Variants in WIPI2 observed in about 807,000 individuals in gnomAD.
WIPI2 encodes the protein WD repeat domain phosphoinositide-interacting protein 2.
WIPI2 carries 28 observed loss-of-function variants against 52.3 expected under a neutral mutation model. The observed-to-expected ratio is 0.54, with a 90% confidence interval of 0.40 to 0.73. WIPI2 has a LOEUF of 0.73. WIPI2 is among the 30% of genes least tolerant of loss of function. The pLI, the probability that WIPI2 is intolerant of heterozygous loss-of-function variation, is 0.00. For missense variants in WIPI2, 506 were observed against 602.9 expected (o/e 0.84, Z 1.68); for synonymous variants, 268 against 245.0 (o/e 1.09, Z -0.88).
In WIPI2 at chr7:5,199,686, C is replaced by G. The variant is rs766847388; in HGVS notation, c.211+28C>G. On this transcript the variant is annotated intron_variant, in intron 3 of 12. Coordinates refer to ENST00000288828, the MANE Select transcript of WIPI2 (RefSeq NM_015610.4). ...AAGTGTTTGCTTTATTTTTCCCCTT[C>G]TTAAAAAAAAAAAAAAAAGTTGTAC... 2.8e-6 allele frequency: 4 copies of G among 1,450,026 alleles called. No individual in the cohort carries two copies. In the Middle Eastern group the frequency reaches 6.8e-4, roughly 246 times the overall value. 89.8% of individuals were successfully genotyped at this position (1,450,026 alleles called of 1,614,324 possible). A position where few individuals can be genotyped will look rare whatever the true frequency, so the allele number is the denominator to read the frequency against.
Position 5,190,346 on chromosome 7 carries a change from G to A in WIPI2, c.-74G>A. Reference sequence around the variant, plus strand: ...GAGGCGGCGAGCGGGGCCCGGCGCCGACCCTGAGTGCAGCCTGACCCGCCC... The same window carrying A: ...GAGGCGGCGAGCGGGGCCCGGCGCCAACCCTGAGTGCAGCCTGACCCGCCC... On this transcript the variant is annotated 5_prime_UTR_variant, in exon 1 of 13. Transcript: ENST00000288828. The A allele has an allele frequency of 2.8e-6, 3 of 1,090,906 alleles. No individual in the cohort carries two copies. Among genetic ancestry groups the A allele is most frequent in the Non-Finnish European group, 3.5e-6 (3 of 858,424 alleles). 67.6% of individuals were successfully genotyped at this position (1,090,906 alleles called of 1,614,324 possible).
chr7:5,216,940 G>T, intron 5 of WIPI2, 150 bp from the exon 6 acceptor site: 1 of 888,860 alleles, frequency 1.1e-6, no homozygotes, highest in Non-Finnish European at 1.7e-6. Context: ...ATTTGGGGTT[G>T]CAGAACTTTC....
At chr7:5,228,723 C>G (rs373444541) in intron 11 of WIPI2, among the ~76,000 whole-genome samples, 1 of 152,158 alleles carries the variant, frequency 6.6e-6, no homozygotes, top group Admixed American at 6.5e-5. Context: ...TCAAAAAGTT[C>G]TAACAACATA....
At position 5,224,408 on chromosome 7, in the gene WIPI2, G is replaced by A. The variant is rs148882402; in HGVS notation, c.741-1415G>A. On this transcript the variant is annotated intron_variant, in intron 8 of 12. Coordinates refer to ENST00000288828, the MANE Select transcript of WIPI2 (RefSeq NM_015610.4). ...TGGCAAATGGAATATTTGGGTGACCGCCCAAGGGGTTCACCTTGCCCGCTG... is the reference window on the plus strand; with the variant it reads ...TGGCAAATGGAATATTTGGGTGACCACCCAAGGGGTTCACCTTGCCCGCTG... 2.0e-5 allele frequency among the ~76,000 whole-genome samples: 3 copies of A among 152,312 alleles called. No individual in the cohort carries two copies. In the East Asian group the frequency reaches 5.8e-4, roughly 29 times the overall value.
chr7:5,196,201 C>T (rs558141970), intron 2 of WIPI2, among the ~76,000 whole-genome samples: 2 of 151,988 alleles, frequency 1.3e-5, no homozygotes, highest in African/African-American at 2.4e-5. Flanking sequence ...TTGCTGGGCA[C>T]GGTGGTGCAT....
At chr7:5,223,732 C>G (rs1783270233) in intron 8 of WIPI2, among the ~76,000 whole-genome samples, 1 of 152,202 alleles carries the variant, frequency 6.6e-6, no homozygotes, top group South Asian at 2.1e-4. Flanking sequence ...GCACCTCAAG[C>G]CACCAGGCCA....
At chr7:5,201,662 C>T (rs1782034738) in intron 3 of WIPI2, among the ~76,000 whole-genome samples, 1 of 152,228 alleles carries the variant, frequency 6.6e-6, no homozygotes, top group African/African-American at 2.4e-5. Context: ...ACGAGAATCA[C>T]TTGAACCCAG....
intron 3 of WIPI2, among the ~76,000 whole-genome samples, chr7:5,207,043 G>A (rs1782328395): frequency 6.6e-6 from 1 of 152,070 alleles, no homozygotes; most frequent in Admixed American, 6.6e-5. Context: ...CCAGAGTGCT[G>A]AGATTACAGA....
Position 5,199,631 on chromosome 7 carries a change from G to A in WIPI2, c.184G>A (p.Asp62Asn). Residue 62 changes from aspartate to asparagine, a missense_variant, in exon 3 of 13, where the codon GAT (aspartate) becomes AAT (asparagine). Asp to Asn is a conservative substitution (Grantham distance 23, BLOSUM62 1). Coordinates refer to ENST00000288828, the MANE Select transcript of WIPI2 (RefSeq NM_015610.4). ...GYKFFSLSSVDKLEQIYECTD... is the reference protein window; with the variant it reads ...GYKFFSLSSVNKLEQIYECTD... ...TAAATTTTTCTCCCTTTCTTCTGTG[G>A]ATAAGCTGGAACAGATCTATGAATG... The A allele has an allele frequency of 6.2e-7, 1 of 1,613,018 alleles. No individual in the cohort carries two copies.
intron 8 of WIPI2, 144 bp from the exon 9 acceptor site, chr7:5,225,679 G>GTT (rs1233710828): frequency 5.0e-6 from 3 of 597,406 alleles, no homozygotes; most frequent in Non-Finnish European, 8.9e-6. Flanking sequence ...CAAGGAAAAT[G>GTT]TTTGAGAAGG....
At chr7:5,207,299 A>G (rs1782342658) in intron 3 of WIPI2, among the ~76,000 whole-genome samples, 1 of 152,160 alleles carries the variant, frequency 6.6e-6, no homozygotes, top group South Asian at 2.1e-4. Context: ...GTTCTCTCAT[A>G]CTTCCTTCCA....
At chr7:5,219,942 C>T (rs886524187) in intron 7 of WIPI2, among the ~76,000 whole-genome samples, 2 of 151,092 alleles carry the variant, frequency 1.3e-5, no homozygotes, top group African/African-American at 4.9e-5. Context: ...CTTAAGTGAT[C>T]TTCCTACTTC....
In WIPI2 at chr7:5,226,031, A is replaced by G; in HGVS notation, c.848+101A>G. 4 of 1,175,328 alleles carry G rather than the reference A, an allele frequency of 3.4e-6. No homozygotes were observed. In the South Asian group the frequency reaches 5.6e-5, roughly 17 times the overall value. 72.8% of individuals were successfully genotyped at this position (1,175,328 alleles called of 1,614,324 possible). A position where few individuals can be genotyped will look rare whatever the true frequency, so the allele number is the denominator to read the frequency against. ...AGCACGGACCCGCCCACCCTCTGAC[A>G]TCGTTAGCCAGTGAAGACCCCGGAG... On this transcript the variant is annotated intron_variant, in intron 9 of 12. Transcript: ENST00000288828.
At chr7:5,220,564 G>C (rs1288587390) in intron 7 of WIPI2, among the ~76,000 whole-genome samples, 1 of 152,006 alleles carries the variant, frequency 6.6e-6, no homozygotes, top group Non-Finnish European at 1.5e-5. Context: ...CAAACACAGA[G>C]ATAGTGCAGT....
Position 5,190,290 on chromosome 7 carries a change from G to C in WIPI2, c.-130G>C, listed in dbSNP as rs980646720. The C allele has an allele frequency of 5.1e-5, 25 of 486,688 alleles. No homozygotes were observed. In the African/African-American group the frequency reaches 5.1e-4, roughly 10 times the overall value. The allele number at this position is 486,688 out of a possible 1,614,324, so 30.1% of individuals were successfully genotyped here. ...AGAGCGGGGACGGGATGAGGCGGCG[G>C]TTGATCCCAGGGTGGCGAGTGGCGG... On this transcript the variant is annotated 5_prime_UTR_variant, in exon 1 of 13. Coordinates refer to ENST00000288828, the MANE Select transcript of WIPI2 (RefSeq NM_015610.4).
At position 5,216,999 on chromosome 7, in the gene WIPI2, C is replaced by T. The variant is rs1782846366; in HGVS notation, c.479-91C>T. On this transcript the variant is annotated intron_variant, in intron 5 of 12. Coordinates refer to ENST00000288828, the MANE Select transcript of WIPI2 (RefSeq NM_015610.4). ...TCCAAGCTATTATTTGTTCCTAATG[C>T]TCTGTTAAATGAATGCTGAATTATG... The T allele has an allele frequency of 9.3e-6, 12 of 1,296,912 alleles. No individual in the cohort carries two copies. The East Asian group carries it at 2.6e-4, about 28-fold the overall frequency. The allele number at this position is 1,296,912 out of a possible 1,614,324, so 80.3% of individuals were successfully genotyped here. A position where few individuals can be genotyped will look rare whatever the true frequency, so the allele number is the denominator to read the frequency against.
rs376149982 is a variant in WIPI2 at position 5,200,922 on chromosome 7, C to T, written c.211+1264C>T. On this transcript the variant is annotated intron_variant, in intron 3 of 12. Coordinates refer to ENST00000288828, the MANE Select transcript of WIPI2 (RefSeq NM_015610.4). ...TGATCAGCGTCCCTGACTCATGGCT[C>T]CTGGTGGCTGGCTTAGGTTTTACTC... Among the ~76,000 whole-genome samples the T allele has an allele frequency of 2.0e-4, 31 of 152,360 alleles. No individual in the cohort carries two copies. In the South Asian group the frequency reaches 6.2e-3, roughly 31 times the overall value.
intron 4 of WIPI2, among the ~76,000 whole-genome samples, chr7:5,215,736 A>G (rs561124923): frequency 1.4e-5 from 2 of 145,254 alleles, no homozygotes; most frequent in South Asian, 2.1e-4. Context: ...ATTATAAGAC[A>G]TCATATCTTG....
chr7:5,197,516 G>T (rs1051277314), intron 2 of WIPI2, among the ~76,000 whole-genome samples: 1 of 152,118 alleles, frequency 6.6e-6, no homozygotes, highest in East Asian at 1.9e-4. Flanking sequence ...AACTAATTCA[G>T]TATAGTAAAG....
Sources: gnomAD v4.1 joint callset for allele counts (sites outside exome capture counted in the v4.1 genomes callset) on GRCh38, gnomAD v4.1.1 for gene constraint, MANE v1.5 for transcripts, NCBI Gene and HGNC (gene_info 2026-07-23, HGNC 2026-07-21) for gene names.